Variants in TNIP1 observed in about 807,000 individuals in gnomAD.
The protein encoded by TNIP1 is TNFAIP3-interacting protein 1.
Under a neutral mutation model 86.6 loss-of-function variants are expected in TNIP1, and 22 were observed. The observed-to-expected ratio is 0.25, with a 90% CI of 0.18 to 0.36. The LOEUF (loss-of-function observed/expected upper bound fraction) is 0.36, where lower values mean the gene tolerates loss of function less well. Among genes scored for constraint, TNIP1 ranks in the 10% least tolerant of loss-of-function variants. The probability of loss-of-function intolerance (pLI) is 1.00; values close to 1 mark genes in which losing one functional copy is unlikely to be tolerated. For missense variants in TNIP1, 709 were observed against 820.6 expected, an observed-to-expected ratio of 0.86 and a Z score of 1.66; for synonymous variants, 294 against 313.0, an observed-to-expected ratio of 0.94 and a Z score of 0.64.
At position 151,067,005 on chromosome 5, in the gene TNIP1, T is replaced by A. The variant is rs542762784; in HGVS notation, c.-36-1874A>T. Among the ~76,000 whole-genome samples, 6 of 152,252 alleles carry A rather than the reference T, an allele frequency of 3.9e-5. No homozygotes were observed. In the East Asian group the frequency reaches 1.2e-3, roughly 29 times the overall value. On this transcript the variant is annotated intron_variant, in intron 1 of 17. Transcript: ENST00000521591. ...GCCAGAAAGAAAAACAAAGTTCTGA[T>A]GAGAAGGACCCCTTCTCCCAAAGAC... is the stretch of plus-strand genomic sequence containing the variant.
At chr5:151,084,623 C>T (rs951802871), upstream of TNIP1, among the ~76,000 whole-genome samples, 3 of 152,116 alleles carry the variant, frequency 2.0e-5, no homozygotes, top group Admixed American at 2.0e-4. Context: ...TTTCCACATA[C>T]CCCACTGATA....
At chr5:151,072,698 C>T (rs924827145) in intron 1 of TNIP1, among the ~76,000 whole-genome samples, 1 of 152,194 alleles carries the variant, frequency 6.6e-6, no homozygotes, top group African/African-American at 2.4e-5. Context: ...CCCTCTACCC[C>T]ACACTATCTC....
chr5:151,084,454 A>AG (rs1467080966), upstream of TNIP1, among the ~76,000 whole-genome samples: 11 of 151,300 alleles, frequency 7.3e-5, no homozygotes, highest in African/African-American at 2.4e-4. Context: ...CAAAAAAAAA[A>AG]AAAAAGAAAG....
At chr5:151,041,940 C>CTTTT (rs534852391) in intron 11 of TNIP1, among the ~76,000 whole-genome samples, 1 of 131,892 alleles carries the variant, frequency 7.6e-6, no homozygotes, top group African/African-American at 2.8e-5. Flanking sequence ...CTGCTTGGAT[C>CTTTT]TTTTTTTTTT....
chr5:151,036,075 A>G (rs1757666938), intron 13 of TNIP1, among the ~76,000 whole-genome samples: 1 of 152,232 alleles, frequency 6.6e-6, no homozygotes, highest in Non-Finnish European at 1.5e-5. Context: ...CTGAGGGCAG[A>G]GACCCTACAA....
chr5:151,051,130 G>A (rs936700865), intron 7 of TNIP1, among the ~76,000 whole-genome samples: 1 of 152,054 alleles, frequency 6.6e-6, no homozygotes, highest in Non-Finnish European at 1.5e-5. Context: ...CCATGGATGG[G>A]GTCACTAGGG....
At chr5:151,036,756 C>A (rs766241930) in intron 13 of TNIP1, 34 bp downstream of exon 13, 3 of 1,613,296 alleles carry the variant, frequency 1.9e-6, no homozygotes, top group African/African-American at 1.3e-5. Context: ...TCCCACAGAG[C>A]ACCTCCCACC....
rs1759704885 is a variant in TNIP1 at position 151,050,045 on chromosome 5, C to A, written c.723-98G>T. The A allele has an allele frequency of 5.1e-6, 8 of 1,566,102 alleles. No individual in the cohort carries two copies. The East Asian group carries it at 1.4e-4, about 27-fold the overall frequency. On this transcript the variant is annotated intron_variant, in intron 7 of 17. Transcript: ENST00000521591. ...CACTATCGCATGAGTTGCAGCTGAG[C>A]CCCAGGGAGTACTGCAGGATCCTGA...
At chr5:151,041,575 G>A (rs1171477376) in intron 11 of TNIP1, among the ~76,000 whole-genome samples, 1 of 152,062 alleles carries the variant, frequency 6.6e-6, no homozygotes, top group Non-Finnish European at 1.5e-5. Context: ...CTATGTCACT[G>A]AGGTTGGTCT....
Position 151,042,619 on chromosome 5 carries a change from A to C in TNIP1, c.1055T>G (p.Leu352Arg), listed in dbSNP as rs1157454284. The change falls in exon 11 of 18, where the codon CTG (leucine) becomes CGG (arginine). Residue 352 changes from leucine to arginine, a missense_variant. Physicochemically the swap from Leu to Arg is moderately radical, Grantham distance 102 (BLOSUM62 -2). Transcript: ENST00000521591. ...CTGCTTCTGCTCCCGCTCGGCCTCC[A>C]GGTCAGTCACCTGCTTCTGCAAATC... ...LADLQKQVTDLEAEREQKQRD... is the reference protein window; with the variant it reads ...LADLQKQVTDREAEREQKQRD... 10 of 1,613,904 alleles carry C rather than the reference A, an allele frequency of 6.2e-6. No homozygotes were observed. In the African/African-American group the frequency reaches 1.2e-4, roughly 19 times the overall value.
rs1758191109 is a variant in TNIP1, at chr5:151,039,806, CAG to C, written c.1135-583_1135-582del. Among the ~76,000 whole-genome samples the C allele has an allele frequency of 3.3e-5, 5 of 152,286 alleles. No homozygotes were observed. The South Asian group carries it at 1.0e-3, about 32-fold the overall frequency. On this transcript the variant is annotated intron_variant, in intron 11 of 17. Coordinates refer to ENST00000521591, the MANE Select transcript of TNIP1 (RefSeq NM_006058.5). ...GCCCAGAGAGAACTGTGACATAAGG[CAG>C]AGAGTGCTCCTCCAGAAAGAAACAA... is the stretch of plus-strand genomic sequence containing the variant.
chr5:151,055,004 C>A (rs1760462585), intron 6 of TNIP1, among the ~76,000 whole-genome samples: 1 of 152,196 alleles, frequency 6.6e-6, no homozygotes, highest in Non-Finnish European at 1.5e-5. Context: ...GGGCCAATGC[C>A]CTGGGTGCAA....
chr5:151,035,886 G>C (rs1306509494), intron 13 of TNIP1, among the ~76,000 whole-genome samples, 179 bp from the exon 14 acceptor site: 1 of 152,180 alleles, frequency 6.6e-6, no homozygotes, highest in Admixed American at 6.5e-5. Flanking sequence ...GTAGTTCTGT[G>C]TCCCTCTATC....
In TNIP1 at chr5:151,032,387, C is replaced by T. The variant is rs140665032; in HGVS notation, c.1780-4G>A. 28 of 1,613,798 alleles carry T rather than the reference C, an allele frequency of 1.7e-5. No homozygotes were observed. Among genetic ancestry groups the T allele is most frequent in the South Asian group, 3.3e-5 (3 of 91,038 alleles). On this transcript the variant is annotated splice_region_variant and splice_polypyrimidine_tract_variant and intron_variant, in intron 16 of 17. Coordinates refer to ENST00000521591, the MANE Select transcript of TNIP1 (RefSeq NM_006058.5). Reference sequence around the variant, plus strand: ...GTAGACGCCAGGTGTATTCCGGCTGCGACAAAACTGGTGCTTAATAATCAA... The same window carrying T: ...GTAGACGCCAGGTGTATTCCGGCTGTGACAAAACTGGTGCTTAATAATCAA...
intron 6 of TNIP1, 44 bp downstream of exon 6, chr5:151,056,722 A>G: frequency 7.0e-7 from 1 of 1,431,170 alleles, no homozygotes; most frequent in South Asian, 1.5e-5. Flanking sequence ...GCTCGGGGGG[A>G]AGCACGCCTG....
rs771060928 is a variant in TNIP1, at chr5:151,042,579, G to A, written c.1095C>T (p.Arg365=). Residue 365 remains arginine, a synonymous_variant, in exon 11 of 18, where the codon CGC becomes CGT. Transcript: ENST00000521591. ...EREQKQRDFD[R]KLLLAKSKIE... The stretch of plus-strand genomic sequence containing the variant: ...TCTTGGACTTGGCCAGGAGGAGCTT[G>A]CGGTCAAAGTCACGCTGCTTCTGCT... 8.1e-6 allele frequency: 13 copies of A among 1,613,576 alleles called. No homozygotes were observed. The highest frequency in any genetic ancestry group is 1.1e-5 in the Non-Finnish European group (13 of 1,180,030).
chr5:151,063,804 CT>C, intron 2 of TNIP1, 57 bp from the exon 3 acceptor site: 1 of 1,588,490 alleles, frequency 6.3e-7, no homozygotes, highest in Non-Finnish European at 8.6e-7. Flanking sequence ...TGTGCTGCTT[CT>C]CCCCGTCCCA....
At chr5:151,064,883 T>C in intron 2 of TNIP1, 77 bp downstream of exon 2, 1 of 1,596,608 alleles carries the variant, frequency 6.3e-7, no homozygotes, top group Non-Finnish European at 8.6e-7. Context: ...AGCTTCATTC[T>C]CCACTGCTAG....
intron 5 of TNIP1, among the ~76,000 whole-genome samples, chr5:151,057,966 T>C (rs148456749): frequency 3.3e-5 from 5 of 152,306 alleles, no homozygotes; most frequent in African/African-American, 1.2e-4. Flanking sequence ...CACTCTCCCA[T>C]GTTTACCAAG....
Sources: gnomAD v4.1 joint callset for allele counts (sites outside exome capture counted in the v4.1 genomes callset) on GRCh38, gnomAD v4.1.1 for gene constraint, MANE v1.5 for transcripts, NCBI Gene and HGNC (gene_info 2026-07-23, HGNC 2026-07-21) for gene names.